The following CCDC73 variants were observed in gnomAD, a reference collection of about 807,000 sequenced individuals.
CCDC73 encodes the protein coiled-coil domain containing 73, also known as coiled-coil domain-containing protein 73.
Under a neutral mutation model 116.5 loss-of-function variants are expected in CCDC73, and 95 were observed. That is an observed-to-expected ratio of 0.82 (90% CI 0.69 to 0.97). The LOEUF is 0.97. CCDC73 is among the 50% of genes least tolerant of loss of function. CCDC73 has a pLI of 0.00. For synonymous variants in CCDC73, 398 were observed against 401.3 expected, an observed-to-expected ratio of 0.99 and a Z score of 0.10; for missense variants, 1,066 against 1,206.8, an observed-to-expected ratio of 0.88 and a Z score of 1.73.
At chr11:32,615,299 G>C (rs1590544990) in intron 15 of CCDC73, among the ~76,000 whole-genome samples, 1 of 152,016 alleles carries the variant, frequency 6.6e-6, no homozygotes, top group Non-Finnish European at 1.5e-5. Context: ...TAAATACATA[G>C]CTGATAAAAA....
At chr11:32,748,583 G>A (rs1043194729) in intron 2 of CCDC73, among the ~76,000 whole-genome samples, 14 of 152,070 alleles carry the variant, frequency 9.2e-5, no homozygotes, top group African/African-American at 3.4e-4. Context: ...GATATAAGTA[G>A]TTTACACATC....
the CCDC73 span, among the ~76,000 whole-genome samples, chr11:32,823,917 C>T: frequency 6.6e-6 from 1 of 152,016 alleles, no homozygotes; most frequent in African/African-American, 2.4e-5. Flanking sequence ...TGTTTTGAGA[C>T]AGAGTCTCGT....
intron 6 of CCDC73, among the ~76,000 whole-genome samples, chr11:32,686,336 G>A (rs1429079102): frequency 6.7e-6 from 1 of 149,896 alleles, no homozygotes; most frequent in African/African-American, 2.5e-5. Flanking sequence ...AACATGTCAA[G>A]TTTGAGGTGT....
chr11:32,717,412 C>T (rs1354312773), intron 3 of CCDC73, among the ~76,000 whole-genome samples: 1 of 152,100 alleles, frequency 6.6e-6, no homozygotes, highest in Admixed American at 6.6e-5. Flanking sequence ...TCATTGTTTT[C>T]AAAATATTCT....
At position 32,700,824 on chromosome 11, in the gene CCDC73, C is replaced by T. The variant is rs371570983; in HGVS notation, c.282G>A (p.Leu94=). The stretch of plus-strand genomic sequence containing the variant: ...CTTCCAGGGCACACATCTTCATCTG[C>T]AACTGATAAACAATTTTAAAAATTA... ...KEAMAVFKKQ[L]QMKMCALEEE... The change falls in exon 5 of 18, where the codon TTG becomes TTA. Residue 94 remains leucine, a splice_region_variant and synonymous_variant. Transcript: ENST00000335185. The T allele has an allele frequency of 1.5e-5, 21 of 1,443,288 alleles. No homozygotes were observed. The African/African-American group carries it at 2.6e-4, about 18-fold the overall frequency. The allele number at this position is 1,443,288 out of a possible 1,614,324, so 89.4% of individuals were successfully genotyped here. A position where few individuals can be genotyped will look rare whatever the true frequency, so the allele number is the denominator to read the frequency against.
At chr11:32,676,353 AT>A (rs537612518) in intron 7 of CCDC73, among the ~76,000 whole-genome samples, 4 of 152,194 alleles carry the variant, frequency 2.6e-5, no homozygotes, top group Non-Finnish European at 5.9e-5. Context: ...AGAAAAAGCA[AT>A]ACTTTTGGTA....
the CCDC73 span, among the ~76,000 whole-genome samples, chr11:32,810,463 C>G: frequency 6.6e-6 from 1 of 152,046 alleles, no homozygotes; most frequent in Non-Finnish European, 1.5e-5. Flanking sequence ...CAAAGTCACA[C>G]GATTAATTAA....
chr11:32,787,243 G>A (rs1850636525), intron 1 of CCDC73, among the ~76,000 whole-genome samples: 4 of 152,114 alleles, frequency 2.6e-5, no homozygotes, highest in Admixed American at 2.6e-4. Flanking sequence ...AAATGCCTAG[G>A]GCAAACGCTA....
At chr11:32,649,733 CA>C (rs1434037716) in intron 12 of CCDC73, among the ~76,000 whole-genome samples, 1 of 152,116 alleles carries the variant, frequency 6.6e-6, no homozygotes, top group Non-Finnish European at 1.5e-5. Context: ...ATAAGGTCAT[CA>C]AATGTCTTTT....
At chr11:32,622,020 G>T (rs762703600) in intron 14 of CCDC73, among the ~76,000 whole-genome samples, 64 of 152,176 alleles carry the variant, frequency 4.2e-4, no homozygotes, top group Non-Finnish European at 8.1e-4. Context: ...AACAGATGAT[G>T]GTGAGGCTGT....
At chr11:32,706,947 G>A (rs775369399) in intron 3 of CCDC73, among the ~76,000 whole-genome samples, 8 of 151,858 alleles carry the variant, frequency 5.3e-5, no homozygotes, top group Non-Finnish European at 8.8e-5. Context: ...TAATCAGATC[G>A]TAGCTAATTT....
intron 2 of CCDC73, among the ~76,000 whole-genome samples, chr11:32,728,757 T>C (rs1422464021): frequency 6.6e-6 from 1 of 152,172 alleles, no homozygotes; most frequent in Non-Finnish European, 1.5e-5. Context: ...CAGGCTGGAG[T>C]GCAGTGGTGT....
chr11:32,777,674 A>G (rs1223199841), intron 1 of CCDC73, among the ~76,000 whole-genome samples: 1 of 152,148 alleles, frequency 6.6e-6, no homozygotes, highest in Non-Finnish European at 1.5e-5. Flanking sequence ...TATTACTTAT[A>G]ATAATATTTT....
At position 32,613,404 on chromosome 11, in the gene CCDC73, A is replaced by T; in HGVS notation, c.2896+18T>A. 1 of 1,559,694 alleles carries T rather than the reference A, an allele frequency of 6.4e-7. No individual in the cohort carries two copies. The highest frequency in any genetic ancestry group is 1.2e-5 in the South Asian group (1 of 85,278). On this transcript the variant is annotated intron_variant, in intron 16 of 17. Coordinates refer to ENST00000335185, the MANE Select transcript of CCDC73 (RefSeq NM_001008391.4). ...AGAAAAATATTTTGAGAATTAAAAC[A>T]TTACTTTGTTTTCTTACCTGGTCCA...
chr11:32,716,159 C>T (rs1222190582), intron 3 of CCDC73, among the ~76,000 whole-genome samples: 16 of 152,122 alleles, frequency 1.1e-4, no homozygotes, highest in Non-Finnish European at 2.4e-4. Flanking sequence ...GGAATGCAAC[C>T]AGGCAGTTCT....
the CCDC73 span, among the ~76,000 whole-genome samples, chr11:32,825,922 G>T: frequency 6.6e-6 from 1 of 152,170 alleles, no homozygotes; most frequent in Admixed American, 6.5e-5. Flanking sequence ...GTCCCTGGGG[G>T]CAGCTCCGGT....
At chr11:32,711,160 T>A (rs1444945191) in intron 3 of CCDC73, among the ~76,000 whole-genome samples, 1 of 151,942 alleles carries the variant, frequency 6.6e-6, no homozygotes, top group Non-Finnish European at 1.5e-5. Context: ...GGTGTGGAGG[T>A]GGTAAAAGGG....
At chr11:32,683,028 T>G (rs1412637520) in intron 7 of CCDC73, 1 of 154,104 alleles carries the variant, frequency 6.5e-6, no homozygotes, top group Non-Finnish European at 1.4e-5. Flanking sequence ...TGTTATTTGT[T>G]TTTACTATAA....
chr11:32,608,834 C>T (rs951126724), intron 17 of CCDC73, among the ~76,000 whole-genome samples: 6 of 152,154 alleles, frequency 3.9e-5, no homozygotes, highest in Admixed American at 1.3e-4. Flanking sequence ...TCTGTGTACT[C>T]GCAGGTTCAA....
Sources: allele counts gnomAD v4.1 joint callset (sites outside exome capture counted in the v4.1 genomes callset), GRCh38; gene constraint gnomAD v4.1.1; transcripts MANE v1.5; gene names NCBI Gene and HGNC (gene_info 2026-07-23, HGNC 2026-07-21).